The following NUP133 variants were observed in gnomAD, a reference collection of about 807,000 sequenced individuals.
NUP133 encodes the protein nuclear pore complex protein Nup133.
Under a neutral mutation model 146.2 loss-of-function variants are expected in NUP133, and 66 were observed. The ratio of observed to expected loss-of-function variants is 0.45; its 90% CI spans 0.37 to 0.55. NUP133 has a LOEUF of 0.55. Among genes scored for constraint, NUP133 ranks in the 20% least tolerant of loss-of-function variants. The probability of loss-of-function intolerance (pLI) is 0.00; values close to 1 mark genes in which losing one functional copy is unlikely to be tolerated. For missense variants in NUP133, 1,277 were observed against 1,374.8 expected (o/e 0.93, Z 1.12); for synonymous variants, 521 against 498.8 (o/e 1.04, Z -0.59).
intron 12 of NUP133, among the ~76,000 whole-genome samples, chr1:229,480,835 T>C (rs947265857): frequency 8.7e-5 from 13 of 149,794 alleles, no homozygotes; most frequent in African/African-American, 2.7e-4. Flanking sequence ...TACAGGCATG[T>C]GCCACCACAC....
At chr1:229,453,489 G>A (rs147162267) in intron 21 of NUP133, among the ~76,000 whole-genome samples, 9 of 152,066 alleles carry the variant, frequency 5.9e-5, no homozygotes, top group Admixed American at 3.9e-4. Flanking sequence ...AAAAATACTC[G>A]AGAACTATGA....
chr1:229,462,012 C>A (rs1181484184), intron 19 of NUP133, among the ~76,000 whole-genome samples: 1 of 151,926 alleles, frequency 6.6e-6, no homozygotes, highest in African/African-American at 2.4e-5. Flanking sequence ...ACCTCCAGAA[C>A]AGATGGAATT....
chr1:229,483,399 C>CCA (rs1358288097), intron 12 of NUP133, among the ~76,000 whole-genome samples: 2 of 152,074 alleles, frequency 1.3e-5, no homozygotes, highest in Non-Finnish European at 2.9e-5. Flanking sequence ...CCACACCAGG[C>CCA]CATAATTCTT....
At chr1:229,458,099 C>T in intron 21 of NUP133, 62 bp downstream of exon 21, 1 of 1,532,594 alleles carries the variant, frequency 6.5e-7, no homozygotes, top group Non-Finnish European at 8.9e-7. Flanking sequence ...ATGACAGGAA[C>T]ACATCATGAG....
At chr1:229,475,124 A>ATAAAT (rs1247358392) in intron 14 of NUP133, among the ~76,000 whole-genome samples, 1 of 146,888 alleles carries the variant, frequency 6.8e-6, no homozygotes, top group Non-Finnish European at 1.5e-5. Flanking sequence ...AAATAAATAA[A>ATAAAT]ACAAACAAAC....
At chr1:229,470,501 C>T in intron 15 of NUP133, 79 bp downstream of exon 15, 2 of 1,183,880 alleles carry the variant, frequency 1.7e-6, no homozygotes, top group Non-Finnish European at 2.5e-6. Context: ...TTAACTCGTC[C>T]TCACCGTCTT....
At chr1:229,483,696 CAAAA>C (rs35673633) in intron 12 of NUP133, among the ~76,000 whole-genome samples, 4 of 57,522 alleles carry the variant, frequency 7.0e-5, no homozygotes, top group African/African-American at 2.0e-4. Context: ...CGGAGTGTCT[CAAAA>C]AAAAAAAAAA....
intron 11 of NUP133, among the ~76,000 whole-genome samples, chr1:229,485,043 G>T (rs1571930039): frequency 6.6e-6 from 1 of 152,094 alleles, no homozygotes; most frequent in East Asian, 1.9e-4. Context: ...ATTATTTTTA[G>T]TCTTCTGTAA....
chr1:229,463,421 A>G, intron 19 of NUP133, 122 bp downstream of exon 19: 3 of 1,130,658 alleles, frequency 2.7e-6, no homozygotes, highest in Non-Finnish European at 3.7e-6. Context: ...CTTCTCATCA[A>G]AGTTAACTAC....
intron 23 of NUP133, among the ~76,000 whole-genome samples, chr1:229,450,217 A>G (rs535366323): frequency 1.3e-5 from 2 of 152,098 alleles, no homozygotes; most frequent in African/African-American, 4.8e-5. Flanking sequence ...ATAAAGTCGT[A>G]TATTACCTTC....
At chr1:229,487,848 T>A (rs1661400769) in intron 9 of NUP133, among the ~76,000 whole-genome samples, 1 of 147,050 alleles carries the variant, frequency 6.8e-6, no homozygotes, top group East Asian at 2.0e-4. Flanking sequence ...ATTTTTTTTT[T>A]TTTTTTTTTT....
intron 1 of NUP133, among the ~76,000 whole-genome samples, chr1:229,506,457 T>G (rs899212238): frequency 9.2e-5 from 14 of 151,742 alleles, no homozygotes; most frequent in Non-Finnish European, 1.3e-4. Context: ...GTGTTTTTTT[T>G]TTTTTTTTTT....
chr1:229,490,160 T>C, intron 8 of NUP133, 58 bp from the exon 9 acceptor site: 1 of 1,398,706 alleles, frequency 7.1e-7, no homozygotes, highest in Non-Finnish European at 9.5e-7. Flanking sequence ...AGGAGTTTCC[T>C]ATAAAATTAA....
intron 17 of NUP133, 111 bp from the exon 18 acceptor site, chr1:229,464,986 T>C (rs946370274): frequency 7.8e-7 from 1 of 1,279,434 alleles, no homozygotes; most frequent in Non-Finnish European, 1.1e-6. Context: ...AAAATTACAT[T>C]GAACAGGGAT....
chr1:229,459,776 A>C (rs753905362), intron 20 of NUP133, among the ~76,000 whole-genome samples: 8 of 152,190 alleles, frequency 5.3e-5, no homozygotes, highest in Non-Finnish European at 8.8e-5. Context: ...ATGGACACTT[A>C]GGTGGATTCC....
intron 19 of NUP133, among the ~76,000 whole-genome samples, chr1:229,463,338 G>A (rs1571914271): frequency 6.6e-6 from 1 of 152,164 alleles, no homozygotes; most frequent in Non-Finnish European, 1.5e-5. Flanking sequence ...GACCCAGGAG[G>A]TTGAGGCTGT....
intron 22 of NUP133, 168 bp from the exon 23 acceptor site, chr1:229,450,773 T>C (rs1306745247): frequency 2.7e-6 from 1 of 364,240 alleles, no homozygotes; most frequent in Non-Finnish European, 5.0e-6. Context: ...TCACCCAGGC[T>C]GGATTGCAGT....
intron 1 of NUP133, among the ~76,000 whole-genome samples, chr1:229,507,011 G>C (rs961318155): frequency 6.6e-6 from 1 of 152,076 alleles, no homozygotes; most frequent in Non-Finnish European, 1.5e-5. Flanking sequence ...CTTATCACGA[G>C]AATTAAATGA....
chr1:229,476,334 G>A (rs781479932), intron 13 of NUP133, among the ~76,000 whole-genome samples: 4 of 152,182 alleles, frequency 2.6e-5, no homozygotes, highest in Non-Finnish European at 5.9e-5. Flanking sequence ...AAAGAAAGGA[G>A]ATGAGCTCTC....
Sources: gnomAD v4.1 joint callset for allele counts (sites outside exome capture counted in the v4.1 genomes callset) on GRCh38, gnomAD v4.1.1 for gene constraint, MANE v1.5 for transcripts, NCBI Gene and HGNC (gene_info 2026-07-23, HGNC 2026-07-21) for gene names.